Variants in ZFAND4 observed in about 807,000 individuals in gnomAD.
The protein encoded by ZFAND4 is zinc finger AN1-type containing 4.
Under a neutral mutation model 64.4 loss-of-function variants are expected in ZFAND4, and 43 were observed. That is an observed-to-expected ratio of 0.67 (90% CI 0.52 to 0.86). ZFAND4 has a LOEUF of 0.86. Among genes scored for constraint, ZFAND4 ranks in the 40% least tolerant of loss-of-function variants. The pLI is 0.00. For synonymous variants in ZFAND4, 296 were observed against 305.7 expected, an observed-to-expected ratio of 0.97 and a Z score of 0.33; for missense variants, 929 against 859.8, an observed-to-expected ratio of 1.08 and a Z score of -1.01.
chr10:45,658,469 G>A (rs1440054593), intron 2 of ZFAND4, among the ~76,000 whole-genome samples: 1 of 152,144 alleles, frequency 6.6e-6, no homozygotes, highest in Non-Finnish European at 1.5e-5. Flanking sequence ...GTGATACTTT[G>A]CTATGACAGC....
intron 6 of ZFAND4, among the ~76,000 whole-genome samples, chr10:45,628,409 A>G (rs1475690848): frequency 4.3e-4 from 65 of 152,178 alleles, no homozygotes; most frequent in Admixed American, 4.3e-3. Context: ...CCCGGGTTCA[A>G]GCAATTCTCC....
At position 45,639,827 on chromosome 10, in the gene ZFAND4, G is replaced by C; in HGVS notation, c.706C>G (p.Leu236Val). 1 of 1,610,004 alleles carries C rather than the reference G, an allele frequency of 6.2e-7. No homozygotes were observed. The highest frequency in any genetic ancestry group is 2.2e-5 in the East Asian group (1 of 44,768). The change falls in exon 6 of 10, where the codon CTC becomes GTC. Residue 236 changes from leucine to valine, a missense_variant. Leu to Val is a conservative substitution (Grantham distance 32, BLOSUM62 1). Coordinates refer to ENST00000344646, the MANE Select transcript of ZFAND4 (RefSeq NM_174890.4). ...LLKAKMKNMN[L>V]SKKPKKAVKI... ...GCCAACAGCTTCACCTTTTTGCTGA[G>C]ATTCATGTTCTTCATCTTAGCCTTC...
intron 2 of ZFAND4, among the ~76,000 whole-genome samples, chr10:45,656,408 A>G (rs1223549859): frequency 6.9e-6 from 1 of 145,366 alleles, no homozygotes; most frequent in Admixed American, 7.0e-5. Flanking sequence ...CCTGGCCAAT[A>G]TGGTGAAACC....
rs750216860 is a variant in ZFAND4 at position 45,626,869 on chromosome 10, C to G, written c.954G>C (p.Lys318Asn). 1.1e-5 allele frequency: 17 copies of G among 1,614,148 alleles called. No individual in the cohort carries two copies. The South Asian group carries it at 1.9e-4, about 18-fold the overall frequency. The change falls in exon 7 of 10, where the codon AAG becomes AAC. Residue 318 changes from lysine (K) to asparagine (N), a missense_variant. Coordinates refer to ENST00000344646, the MANE Select transcript of ZFAND4 (RefSeq NM_174890.4). ...YISSITGEFL[K>N]EDNSWENNTL... ...TGTTATTCTCCCAGCTATTATCTTC[C>G]TTAAGAAATTCACCAGTGATAGAAG... is the stretch of plus-strand genomic sequence containing the variant.
chr10:45,648,866 A>G (rs1026150313), intron 4 of ZFAND4: 8 of 842,278 alleles, frequency 9.5e-6, no homozygotes, highest in Non-Finnish European at 1.1e-5. Flanking sequence ...ATTCTATGAT[A>G]TTACTATCAA....
chr10:45,635,195 C>CAAAAAAAAAAAAAAA (rs1173808756), intron 6 of ZFAND4, among the ~76,000 whole-genome samples: 314 of 27,252 alleles, frequency 0.012, 2 homozygotes, highest in East Asian at 0.019. Flanking sequence ...GCCATCTAAG[C>CAAAAAAAAAAAAAAA]AAAAAAAAAA....
intron 1 of ZFAND4, among the ~76,000 whole-genome samples, chr10:45,671,155 G>A (rs2049158402): frequency 6.6e-6 from 1 of 152,162 alleles, no homozygotes; most frequent in African/African-American, 2.4e-5. Context: ...AGTTAGAATG[G>A]CGATCATTAG....
intron 6 of ZFAND4, among the ~76,000 whole-genome samples, chr10:45,635,216 A>AAAAAAAAAAAAAAAAAAAAAAAAAAAC (rs2046501188): frequency 2.9e-5 from 4 of 139,412 alleles, no homozygotes; most frequent in African/African-American, 1.2e-4. Flanking sequence ...AAAAAAAACA[A>AAAAAAAAAAAAAAAAAAAAAAAAAAAC]AAAAAAAACA....
Position 45,626,231 on chromosome 10 carries a change from A to C in ZFAND4, c.1592T>G (p.Val531Gly). Reference sequence around the variant, plus strand: ...ATCAGATCTTTTCCCAAGTGAATCAACTTTAACACCTTGAAAGCAAGTAGT... The same window carrying C: ...ATCAGATCTTTTCCCAAGTGAATCACCTTTAACACCTTGAAAGCAAGTAGT... ...SRTTCFQGVK[V>G]DSLGKRSDVI... is the part of the protein sequence containing the mutation. Residue 531 changes from valine to glycine, a missense_variant, in exon 7 of 10, where the codon GTT becomes GGT. Transcript: ENST00000344646. 6.2e-7 allele frequency: 1 copy of C among 1,614,206 alleles called. No homozygotes were observed. Among genetic ancestry groups the C allele is most frequent in the South Asian group, 1.1e-5 (1 of 91,082 alleles).
intron 1 of ZFAND4, among the ~76,000 whole-genome samples, chr10:45,671,047 G>A (rs564354908): frequency 8.5e-5 from 13 of 152,284 alleles, no homozygotes; most frequent in African/African-American, 3.1e-4. Context: ...CTCAAAAGAA[G>A]ATATTTATGC....
At chr10:45,634,742 C>A (rs1372478343) in intron 6 of ZFAND4, among the ~76,000 whole-genome samples, 2 of 151,880 alleles carry the variant, frequency 1.3e-5, no homozygotes, top group East Asian at 1.9e-4. Context: ...ATAATATGAT[C>A]TTGTATTTGG....
rs2045795054 is a variant in ZFAND4 at position 45,626,025 on chromosome 10, T to C, written c.1798A>G (p.Thr600Ala). Residue 600 changes from threonine to alanine, a missense_variant, in exon 7 of 10, where the codon ACA becomes GCA. Transcript: ENST00000344646. ...RLQNSGTGLS[T>A]NLQHFQEENF... is the part of the protein sequence containing the mutation. ...TCTTCCTGAAAATGCTGGAGGTTTG[T>C]AGACAGCCCAGTTCCAGAGTTCTGA... The C allele has an allele frequency of 2.5e-6, 4 of 1,614,192 alleles. No individual in the cohort carries two copies. Among genetic ancestry groups the C allele is most frequent in the Non-Finnish European group, 3.4e-6 (4 of 1,180,038 alleles).
chr10:45,651,160 G>C (rs927168906), intron 4 of ZFAND4: 4 of 155,572 alleles, frequency 2.6e-5, no homozygotes, highest in Non-Finnish European at 5.7e-5. Flanking sequence ...CCACAGAAGA[G>C]GATGCTCTGA....
At chr10:45,641,834 G>A (rs897213350) in intron 5 of ZFAND4, among the ~76,000 whole-genome samples, 4 of 152,222 alleles carry the variant, frequency 2.6e-5, no homozygotes, top group African/African-American at 4.8e-5. Context: ...AACTGCAGGT[G>A]AGAGAGGTTA....
chr10:45,631,861 C>T (rs2046245294), intron 6 of ZFAND4, among the ~76,000 whole-genome samples: 2 of 151,814 alleles, frequency 1.3e-5, no homozygotes, highest in Admixed American at 6.6e-5. Flanking sequence ...TAGGAAAATA[C>T]AAAAATAGAA....
chr10:45,625,858 C>A, intron 7 of ZFAND4, 93 bp downstream of exon 7: 1 of 1,142,630 alleles, frequency 8.8e-7, no homozygotes, highest in Non-Finnish European at 1.2e-6. Flanking sequence ...CTAATCTTAG[C>A]CTTCCTTATT....
At chr10:45,640,857 A>C (rs2046950683) in intron 5 of ZFAND4, among the ~76,000 whole-genome samples, 1 of 152,154 alleles carries the variant, frequency 6.6e-6, no homozygotes, top group African/African-American at 2.4e-5. Context: ...AAAAACCTAG[A>C]CTAGCATAGA....
intron 9 of ZFAND4, among the ~76,000 whole-genome samples, chr10:45,616,880 G>A (rs917246536): frequency 6.6e-6 from 1 of 152,012 alleles, no homozygotes; most frequent in East Asian, 1.9e-4. Flanking sequence ...GGATCTCCAG[G>A]CCATCCAGGC....
At chr10:45,619,138 A>G (rs1175586252) in intron 8 of ZFAND4, among the ~76,000 whole-genome samples, 2 of 151,952 alleles carry the variant, frequency 1.3e-5, no homozygotes, top group East Asian at 3.9e-4. Flanking sequence ...TCTTGGGTTC[A>G]AGTGGTTCTT....
Sources: gnomAD v4.1 joint callset for allele counts (sites outside exome capture counted in the v4.1 genomes callset) on GRCh38, gnomAD v4.1.1 for gene constraint, MANE v1.5 for transcripts, NCBI Gene and HGNC (gene_info 2026-07-23, HGNC 2026-07-21) for gene names.